Variants in PTPRR observed in about 807,000 individuals in gnomAD.
The protein encoded by PTPRR is receptor-type tyrosine-protein phosphatase R.
In PTPRR, 38 loss-of-function variants were observed where a neutral mutation model predicts 77.2. The ratio of observed to expected loss-of-function variants is 0.49; its 90% CI spans 0.38 to 0.65. The LOEUF (loss-of-function observed/expected upper bound fraction) is 0.65, where lower values mean the gene tolerates loss of function less well. PTPRR is among the 30% of genes least tolerant of loss of function. The probability of loss-of-function intolerance (pLI) is 0.00; values close to 1 mark genes in which losing one functional copy is unlikely to be tolerated. For synonymous variants in PTPRR, 299 were observed against 283.1 expected (o/e 1.06, Z -0.57); for missense variants, 744 against 799.2 (o/e 0.93, Z 0.83).
At chr12:70,775,170 ATTG>A (rs1358606333) in intron 2 of PTPRR, among the ~76,000 whole-genome samples, 1 of 151,356 alleles carries the variant, frequency 6.6e-6, no homozygotes, top group Non-Finnish European at 1.5e-5. Context: ...GAGTATTTTT[ATTG>A]TTATTACAAA....
chr12:70,859,991 T>C (rs1461114445), intron 2 of PTPRR, among the ~76,000 whole-genome samples: 1 of 152,084 alleles, frequency 6.6e-6, no homozygotes, highest in East Asian at 1.9e-4. Flanking sequence ...CTTTTTATTA[T>C]GTACCCACTC....
In PTPRR at chr12:70,754,200, C is replaced by T. The variant is rs764348476; in HGVS notation, c.729G>A (p.Thr243=). ...IFLSIFVIIV[T]CLMILYRLKE... ...AAAGAAGCAAACTTACCATCAAACA[C>T]GTTACTATAATAACAAAGATGCTGA... is the stretch of plus-strand genomic sequence containing the variant. The change falls in exon 5 of 14, where the codon ACG becomes ACA. Residue 243 remains threonine (T), a synonymous_variant. Transcript: ENST00000283228. 3.7e-6 allele frequency: 6 copies of T among 1,612,924 alleles called. No homozygotes were observed. The highest frequency in any genetic ancestry group is 2.2e-5 in the South Asian group (2 of 91,010).
At chr12:70,853,582 T>G (rs569199237) in intron 2 of PTPRR, among the ~76,000 whole-genome samples, 1 of 152,338 alleles carries the variant, frequency 6.6e-6, no homozygotes, top group Non-Finnish European at 1.5e-5. Context: ...TGCTCAATCT[T>G]GGTCTCGGAC....
intron 2 of PTPRR, among the ~76,000 whole-genome samples, chr12:70,845,515 T>G (rs1377338482): frequency 1.3e-5 from 2 of 152,196 alleles, no homozygotes; most frequent in Non-Finnish European, 2.9e-5. Flanking sequence ...TATATCCCTT[T>G]AGGATGACTC....
intron 5 of PTPRR, among the ~76,000 whole-genome samples, chr12:70,746,629 GA>G (rs1357876232): frequency 3.9e-5 from 6 of 152,064 alleles, no homozygotes; most frequent in Non-Finnish European, 8.8e-5. Context: ...GGGTATCTAT[GA>G]AAGAATAATT....
chr12:70,903,800 G>C (rs1893579282), intron 1 of PTPRR, among the ~76,000 whole-genome samples: 1 of 151,760 alleles, frequency 6.6e-6, no homozygotes, highest in African/African-American at 2.4e-5. Flanking sequence ...AAGCTAGCTA[G>C]AGAGTGGGAG....
intron 8 of PTPRR, 42 bp from the exon 9 acceptor site, chr12:70,684,825 C>A (rs773861393): frequency 4.9e-6 from 7 of 1,431,898 alleles, no homozygotes; most frequent in South Asian, 1.2e-5. Flanking sequence ...ACAGATTTAC[C>A]CTTTTTAAAG....
At chr12:70,870,496 T>C (rs543542990) in intron 2 of PTPRR, among the ~76,000 whole-genome samples, 25 of 152,200 alleles carry the variant, frequency 1.6e-4, no homozygotes, top group Non-Finnish European at 3.5e-4. Flanking sequence ...TCTCAGCAAA[T>C]TAGCGCTCAA....
chr12:70,665,364 C>CTT lies in PTPRR; in HGVS notation c.1498-2761_1498-2760dup, dbSNP rs72472808. ...GATGTAACACAAAGCAATGCAAATT[C>CTT]TTTTTTTTTTTTTTTTTTTTTTTTT... On this transcript the variant is annotated intron_variant, in intron 10 of 13. Transcript: ENST00000283228. 8.4e-3 allele frequency among the ~76,000 whole-genome samples: 377 copies of CTT among 44,626 alleles called. 36 individuals are homozygous for CTT. The highest frequency in any genetic ancestry group is 0.013 in the East Asian group (18 of 1,334). 29.3% of individuals were successfully genotyped at this position (44,626 alleles called of 152,430 possible). A position where few individuals can be genotyped will look rare whatever the true frequency, so the allele number is the denominator to read the frequency against.
chr12:70,727,777 A>G (rs75987855), intron 6 of PTPRR, among the ~76,000 whole-genome samples: 5,317 of 152,278 alleles, frequency 0.035, 328 homozygotes, highest in African/African-American at 0.12. Flanking sequence ...TGAGAAAGAC[A>G]CATGTACTTG....
chr12:70,787,046 C>T (rs572776613), intron 2 of PTPRR, among the ~76,000 whole-genome samples: 2 of 152,268 alleles, frequency 1.3e-5, no homozygotes, highest in East Asian at 3.9e-4. Context: ...TAGTGATTAG[C>T]ACCTTGAGAA....
At chr12:70,872,398 C>T (rs7314399) in intron 2 of PTPRR, among the ~76,000 whole-genome samples, 102,306 of 151,644 alleles carry the variant, frequency 0.67, 35,645 homozygotes, top group African/African-American at 0.85. Flanking sequence ...TGCTTGTTTA[C>T]AGAATCCACC....
intron 2 of PTPRR, among the ~76,000 whole-genome samples, chr12:70,845,847 T>C (rs1341647650): frequency 1.3e-5 from 2 of 152,220 alleles, no homozygotes; most frequent in African/African-American, 4.8e-5. Flanking sequence ...CTAGTTTTTC[T>C]ATAATCTTCT....
intron 2 of PTPRR, among the ~76,000 whole-genome samples, chr12:70,783,281 G>A (rs549083809): frequency 6.6e-5 from 10 of 152,292 alleles, no homozygotes; most frequent in South Asian, 2.1e-4. Context: ...CAGCAGAGAG[G>A]AGGCTCTGGA....
At chr12:70,878,044 C>T (rs1265896709) in intron 2 of PTPRR, among the ~76,000 whole-genome samples, 2 of 152,068 alleles carry the variant, frequency 1.3e-5, no homozygotes, top group East Asian at 3.9e-4. Context: ...ACTGGCTAGC[C>T]ATATGTAGAA....
intron 2 of PTPRR, among the ~76,000 whole-genome samples, chr12:70,836,084 C>T (rs10506610): frequency 0.035 from 5,265 of 152,128 alleles, 320 homozygotes; most frequent in African/African-American, 0.12. Context: ...TGTCTGTAGC[C>T]TGTCTTCCAC....
At chr12:70,793,936 T>C (rs1891465582) in intron 2 of PTPRR, among the ~76,000 whole-genome samples, 1 of 152,174 alleles carries the variant, frequency 6.6e-6, no homozygotes, top group Admixed American at 6.5e-5. Flanking sequence ...AAATGGAGCT[T>C]ATGTTGAGAA....
intron 2 of PTPRR, among the ~76,000 whole-genome samples, chr12:70,803,473 G>A (rs1207018168): frequency 3.3e-5 from 5 of 152,024 alleles, no homozygotes; most frequent in Non-Finnish European, 1.5e-5. Context: ...GTAGACAAGA[G>A]GCCAACAAGT....
chr12:70,709,841 G>T (rs1043656431), intron 6 of PTPRR, among the ~76,000 whole-genome samples: 1 of 152,036 alleles, frequency 6.6e-6, no homozygotes, highest in Non-Finnish European at 1.5e-5. Flanking sequence ...AATCAGAGAT[G>T]ATACAAACAA....
Sources: gnomAD v4.1 joint callset for allele counts (sites outside exome capture counted in the v4.1 genomes callset) on GRCh38, gnomAD v4.1.1 for gene constraint, MANE v1.5 for transcripts, NCBI Gene and HGNC (gene_info 2026-07-23, HGNC 2026-07-21) for gene names.